BCAR1: variants seen among roughly 807,000 people sequenced by gnomAD.
BCAR1 encodes the protein breast cancer anti-estrogen resistance protein 1.
Under a neutral mutation model 67.6 loss-of-function variants are expected in BCAR1, and 30 were observed. The observed-to-expected ratio is 0.44, with a 90% CI of 0.33 to 0.60. The LOEUF is 0.60. BCAR1 is among the 20% of genes least tolerant of loss of function. The pLI, the probability that BCAR1 is intolerant of heterozygous loss-of-function variation, is 0.02. For synonymous variants in BCAR1, 626 were observed against 556.7 expected (o/e 1.12, Z -1.75); for missense variants, 1,313 against 1,222.3 (o/e 1.07, Z -1.11).
chr16:75,241,333 G>A (rs36097424), intron 2 of BCAR1, among the ~76,000 whole-genome samples: 57,677 of 152,050 alleles, frequency 0.38, 12,115 homozygotes, highest in Non-Finnish European at 0.47. Context: ...CATATGGTGT[G>A]TGCATGGGTG....
At chr16:75,249,756 G>T (rs138737924) in intron 1 of BCAR1, 3,548 of 152,408 alleles carry the variant, frequency 0.023, 84 homozygotes, top group Middle Eastern at 0.11. Context: ...GGGCCGCAAA[G>T]GCACAGCGTT....
intron 5 of BCAR1, among the ~76,000 whole-genome samples, 189 bp from the exon 6 acceptor site, chr16:75,234,124 AAC>A (rs138882124): frequency 0.031 from 4,623 of 146,982 alleles, 103 homozygotes; most frequent in Middle Eastern, 0.11. Context: ...AGCACACGTG[AAC>A]ACACACACAG....
rs551615959 is a variant in BCAR1 at position 75,238,020 on chromosome 16, G to A, written c.634-676C>T. Reference sequence around the variant, plus strand: ...GCCTGCAGCAGGTAAGATCCCCAGCGACCTGAAAGGATGAGGCCTAGTGGG... The same window carrying A: ...GCCTGCAGCAGGTAAGATCCCCAGCAACCTGAAAGGATGAGGCCTAGTGGG... On this transcript the variant is annotated intron_variant, in intron 2 of 6. Coordinates refer to ENST00000162330, the MANE Select transcript of BCAR1 (RefSeq NM_014567.5). 29 of 1,286,648 alleles carry A rather than the reference G, an allele frequency of 2.3e-5. No homozygotes were observed. In the African/African-American group the frequency reaches 3.3e-4, roughly 15 times the overall value. 79.7% of individuals were successfully genotyped at this position (1,286,648 alleles called of 1,614,324 possible).
Position 75,242,687 on chromosome 16 carries a change from G to C in BCAR1, c.416C>G (p.Ser139Cys). The change falls in exon 2 of 7, where the codon TCT becomes TGT. Residue 139 changes from serine to cysteine, a missense_variant. Physicochemically the swap from Ser to Cys is moderately radical, Grantham distance 112. Coordinates refer to ENST00000162330, the MANE Select transcript of BCAR1 (RefSeq NM_014567.5). ...QVPGPSPQFQ[S>C]PPAKQTSTFS... ...GGTGGATGTCTGCTTGGCTGGGGGAGACTGGAACTGAGGGCTGGGACCCGG... is the reference window on the plus strand; with the variant it reads ...GGTGGATGTCTGCTTGGCTGGGGGACACTGGAACTGAGGGCTGGGACCCGG... The C allele has an allele frequency of 6.5e-7, 1 of 1,540,400 alleles. No homozygotes were observed. Among genetic ancestry groups the C allele is most frequent in the East Asian group, 2.3e-5 (1 of 44,160 alleles).
At chr16:75,236,162 AC>A (rs373168586) in intron 4 of BCAR1, 176 bp from the exon 5 acceptor site, 7 of 699,948 alleles carry the variant, frequency 1.0e-5, no homozygotes, top group African/African-American at 7.2e-5. Context: ...ACAGGCACAC[AC>A]ACGCGCACAC....
At chr16:75,238,515 T>C in intron 2 of BCAR1, 1 of 992,988 alleles carries the variant, frequency 1.0e-6, no homozygotes, top group Non-Finnish European at 1.2e-6. Flanking sequence ...CCCTGCTTGC[T>C]GAGGGTGCTG....
Position 75,237,271 on chromosome 16 carries a change from A to G in BCAR1, c.707T>C (p.Ile236Thr), listed in dbSNP as rs1597198606. Residue 236 changes from isoleucine to threonine, a missense_variant, in exon 3 of 7, where the codon ATC becomes ACC. Around this residue, in one of 2 missense-constraint regions of BCAR1, gnomAD observed 1,272 missense variants for 1,137.5 expected, o/e 1.12. Coordinates refer to ENST00000162330, the MANE Select transcript of BCAR1 (RefSeq NM_014567.5). ...CCCCGGGGCCAGCAGGTGTCGCGGG[A>G]TGTCGTACTCGTCCTGCTCCGGCTG... is the stretch of plus-strand genomic sequence containing the variant. ...AAQPEQDEYD[I>T]PRHLLAPGPQ... 6.6e-7 allele frequency: 1 copy of G among 1,525,374 alleles called. No individual in the cohort carries two copies. The highest frequency in any genetic ancestry group is 8.8e-7 in the Non-Finnish European group (1 of 1,141,200). 94.5% of individuals were successfully genotyped at this position (1,525,374 alleles called of 1,614,324 possible).
At chr16:75,243,848 G>A (rs1186682400) in intron 1 of BCAR1, among the ~76,000 whole-genome samples, 1 of 152,220 alleles carries the variant, frequency 6.6e-6, no homozygotes, top group African/African-American at 2.4e-5. Flanking sequence ...AGGCCTCGCA[G>A]TTTCCCACCA....
chr16:75,232,066 T>TA (rs997282884), intron 6 of BCAR1, among the ~76,000 whole-genome samples: 9 of 151,700 alleles, frequency 5.9e-5, no homozygotes, highest in Non-Finnish European at 2.9e-5. Context: ...GTATTTTTAG[T>TA]AGAGATGGGG....
intron 1 of BCAR1, chr16:75,266,073 G>C (rs1287397948): frequency 9.9e-7 from 1 of 1,011,110 alleles, no homozygotes; most frequent in African/African-American, 1.7e-5. Context: ...GAGGACCCCG[G>C]ACCTAGGCCT....
intron 3 of BCAR1, 45 bp from the exon 4 acceptor site, chr16:75,237,043 G>A (rs2151419814): frequency 6.5e-7 from 1 of 1,543,658 alleles, no homozygotes; most frequent in Non-Finnish European, 8.8e-7. Flanking sequence ...GGGCCACTTG[G>A]GGGAATAGGA....
chr16:75,238,046 G>T (rs1412517075), intron 2 of BCAR1: 28 of 1,288,868 alleles, frequency 2.2e-5, no homozygotes, highest in Non-Finnish European at 2.7e-5. Context: ...GCCTAGTGGG[G>T]GAAGTGGGTC....
intron 2 of BCAR1, 78 bp from the exon 3 acceptor site, chr16:75,237,422 T>G (rs1246480847): frequency 2.2e-6 from 3 of 1,388,360 alleles, no homozygotes; most frequent in Non-Finnish European, 2.8e-6. Context: ...GGGAGCCACG[T>G]CCTTTTAGGA....
rs1399219578 is a variant in BCAR1 at position 75,235,020 on chromosome 16, C to A, written c.1879G>T (p.Asp627Tyr). The A allele has an allele frequency of 6.2e-7, 1 of 1,613,048 alleles. No individual in the cohort carries two copies. The highest frequency in any genetic ancestry group is 1.3e-5 in the African/African-American group (1 of 74,902). Residue 627 changes from aspartate (D) to tyrosine (Y), a missense_variant, in exon 5 of 7, where the codon GAC becomes TAC. Asp to Tyr is a radical substitution (Grantham distance 160). Around this residue, in one of 2 missense-constraint regions of BCAR1, gnomAD observed 1,272 missense variants for 1,137.5 expected, o/e 1.12. Transcript: ENST00000162330. The part of the protein sequence containing the change: ...GGGTLHPNPT[D>Y]KTSSIQSRPL... ...CGTGACTGGATGCTGCTGGTCTTGT[C>A]AGTGGGGTTGGGGTGCAGGGTGCCA...
At chr16:75,266,161 G>T (rs1029056343) in intron 1 of BCAR1, 1 of 424,260 alleles carries the variant, frequency 2.4e-6, no homozygotes, top group Non-Finnish European at 3.2e-6. Context: ...ACCTCCAGTC[G>T]CACCAGCTCT....
In BCAR1 at chr16:75,233,997, C is replaced by A. The variant is rs1597169270; in HGVS notation, c.2011-62G>T. On this transcript the variant is annotated intron_variant, in intron 5 of 6. Coordinates refer to ENST00000162330, the MANE Select transcript of BCAR1 (RefSeq NM_014567.5). ...TTTCTGAGCCAGAAGCACAGGCCAGCCCTGTGGCGGGCGCAGTGAGCTGAG... is the reference window on the plus strand; with the variant it reads ...TTTCTGAGCCAGAAGCACAGGCCAGACCTGTGGCGGGCGCAGTGAGCTGAG... The A allele has an allele frequency of 2.7e-6, 4 of 1,505,224 alleles. No individual in the cohort carries two copies. The Admixed American group carries it at 5.9e-5, about 22-fold the overall frequency. The allele number at this position is 1,505,224 out of a possible 1,614,324, so 93.2% of individuals were successfully genotyped here.
At chr16:75,241,881 C>T (rs1383200946) in intron 2 of BCAR1, among the ~76,000 whole-genome samples, 1 of 152,150 alleles carries the variant, frequency 6.6e-6, no homozygotes, top group Non-Finnish European at 1.5e-5. Context: ...TGTCCCCAGG[C>T]CCAGCATCCC....
chr16:75,244,397 G>A (rs1470261876), intron 1 of BCAR1, among the ~76,000 whole-genome samples: 1 of 152,258 alleles, frequency 6.6e-6, no homozygotes, highest in Non-Finnish European at 1.5e-5. Flanking sequence ...TGTGCCTTGG[G>A]GCAGAGGAGT....
In BCAR1 at chr16:75,266,758, C is replaced by T. The variant is rs2078015279; in HGVS notation, c.66+1157G>A. The T allele has an allele frequency of 2.1e-6, 3 of 1,458,514 alleles. No individual in the cohort carries two copies. The African/African-American group carries it at 4.2e-5, about 20-fold the overall frequency. 90.3% of individuals were successfully genotyped at this position (1,458,514 alleles called of 1,614,324 possible). A position where few individuals can be genotyped will look rare whatever the true frequency, so the allele number is the denominator to read the frequency against. ...GGGGTCCGACCCCTCTGTTCTGCTT[C>T]CTGGGGACGGTGGGTGAGCATCTAG... On this transcript the variant is annotated intron_variant, in intron 1 of 6. Coordinates refer to the BCAR1 transcript ENST00000393422.
Sources: gnomAD v4.1 joint callset for allele counts (sites outside exome capture counted in the v4.1 genomes callset) on GRCh38, gnomAD v4.1.1 for gene constraint, gnomAD v4.1.1 regional missense constraint, MANE v1.5 for transcripts, NCBI Gene and HGNC (gene_info 2026-07-23, HGNC 2026-07-21) for gene names.